TSC22D3: variants seen among roughly 807,000 people sequenced by gnomAD.
TSC22D3 encodes the protein TSC22 domain family member 3.
TSC22D3 carries 4 observed loss-of-function variants against 11.1 expected under a neutral mutation model. The ratio of observed to expected loss-of-function variants is 0.36; its 90% CI spans 0.18 to 0.83. The LOEUF (loss-of-function observed/expected upper bound fraction) is 0.83. TSC22D3 is among the 40% of genes least tolerant of loss of function. The probability of loss-of-function intolerance (pLI) is 0.48; values close to 1 mark genes in which losing one functional copy is unlikely to be tolerated. For missense variants in TSC22D3, 118 were observed against 159.4 expected (o/e 0.74, Z 1.40); for synonymous variants, 77 against 70.3 (o/e 1.10, Z -0.48).
chrX:107,734,955 G>T (rs1446921588), intron 1 of TSC22D3, among the ~76,000 whole-genome samples: 5 of 98,770 alleles, frequency 5.1e-5, no homozygotes, highest in Non-Finnish European at 9.8e-5. Context: ...GTTGTAACCA[G>T]CCCAAGGTCA....
chrX:107,715,833 C>T (rs34648079), intron 2 of TSC22D3, 66 bp downstream of exon 2: 29,532 of 1,175,941 alleles, frequency 0.025, 304 homozygotes, highest in Middle Eastern at 0.037. Context: ...TTCCCTCAAT[C>T]CTGCCCAGAG....
chrX:107,718,287 A>AG (rs1927160531), intron 1 of TSC22D3, among the ~76,000 whole-genome samples: 1 of 112,519 alleles, frequency 8.9e-6, no homozygotes, highest in African/African-American at 3.2e-5. Context: ...AAGGAGCAAG[A>AG]GGGGCAGGGA....
At chrX:107,732,550 C>T (rs915294632) in intron 1 of TSC22D3, among the ~76,000 whole-genome samples, 1 of 111,700 alleles carries the variant, frequency 9.0e-6, no homozygotes, top group Non-Finnish European at 1.9e-5. Context: ...CTACTCTTTC[C>T]TTCAGCAGCA....
chrX:107,768,042 A>G (rs1046409631), intron 1 of TSC22D3, among the ~76,000 whole-genome samples: 2 of 112,358 alleles, frequency 1.8e-5, no homozygotes, highest in Non-Finnish European at 3.8e-5. Flanking sequence ...ATACCAACCA[A>G]TTTGTTATAT....
At chrX:107,769,799 C>A (rs1049547212) in intron 1 of TSC22D3, among the ~76,000 whole-genome samples, 7 of 110,991 alleles carry the variant, frequency 6.3e-5, no homozygotes, top group African/African-American at 2.3e-4. Flanking sequence ...AGGACCGGCC[C>A]CCACCTACTA....
At chrX:107,753,442 G>T (rs1029010678) in intron 1 of TSC22D3, among the ~76,000 whole-genome samples, 2 of 111,355 alleles carry the variant, frequency 1.8e-5, no homozygotes, top group African/African-American at 6.5e-5. Flanking sequence ...TCCTGTTTCA[G>T]ATGTGATTTT....
intron 1 of TSC22D3, among the ~76,000 whole-genome samples, chrX:107,756,820 T>C (rs1302409555): frequency 8.0e-5 from 9 of 112,731 alleles, no homozygotes; most frequent in Admixed American, 2.8e-4. Context: ...TGGAGTGGAC[T>C]TCCTCTGCTT....
intron 1 of TSC22D3, among the ~76,000 whole-genome samples, chrX:107,719,820 T>C (rs1399752424): frequency 9.0e-6 from 1 of 111,571 alleles, no homozygotes; most frequent in East Asian, 2.8e-4. Context: ...AGCCTTGGCT[T>C]TTCTGACACG....
At chrX:107,757,315 G>T (rs1332724586) in intron 1 of TSC22D3, among the ~76,000 whole-genome samples, 1 of 111,665 alleles carries the variant, frequency 9.0e-6, no homozygotes, top group Non-Finnish European at 1.9e-5. Context: ...TAATGTGGGA[G>T]GTCACAGGGT....
chrX:107,728,545 G>T (rs1927748655), intron 1 of TSC22D3, among the ~76,000 whole-genome samples: 1 of 112,226 alleles, frequency 8.9e-6, no homozygotes, highest in Admixed American at 9.4e-5. Context: ...GGGTGATAAA[G>T]CCCAGGAGCA....
chrX:107,725,385 G>A lies in TSC22D3; in HGVS notation c.321-9435C>T, dbSNP rs187812188. Among the ~76,000 whole-genome samples the A allele has an allele frequency of 2.1e-3, 240 of 112,060 alleles. 1 individual carries two copies. Among genetic ancestry groups the A allele is most frequent in the Middle Eastern group, 0.018 (4 of 217 alleles). ...CTGGGCTGCAGCCCTAGCATGTCTA[G>A]TGGAATAGGCGTGGGGCGGGAGAAG... On this transcript the variant is annotated intron_variant, in intron 1 of 2. Transcript: ENST00000372383.
chrX:107,748,477 A>T (rs1252287454), intron 1 of TSC22D3, among the ~76,000 whole-genome samples: 3 of 111,827 alleles, frequency 2.7e-5, no homozygotes, highest in African/African-American at 9.8e-5. Flanking sequence ...TCCTTGGGTC[A>T]GCCCTTCCCA....
At chrX:107,757,297 C>T (rs1316682179) in intron 1 of TSC22D3, among the ~76,000 whole-genome samples, 2 of 111,623 alleles carry the variant, frequency 1.8e-5, no homozygotes, top group African/African-American at 3.3e-5. Flanking sequence ...CTACCCCACT[C>T]CCCGGTCTAA....
intron 1 of TSC22D3, among the ~76,000 whole-genome samples, chrX:107,742,175 G>A (rs963608206): frequency 9.1e-6 from 1 of 109,729 alleles, no homozygotes; most frequent in Non-Finnish European, 1.9e-5. Context: ...TGCCTTCACA[G>A]AAAGTCAGTG....
chrX:107,738,405 G>A (rs1423740602), intron 1 of TSC22D3, among the ~76,000 whole-genome samples: 1 of 112,734 alleles, frequency 8.9e-6, no homozygotes, highest in Non-Finnish European at 1.9e-5. Flanking sequence ...TGCCCTCTGG[G>A]TGATCTTGCT....
chrX:107,742,260 TGAGAGAGAGAGAGAGAGAGAAAGA>T (rs1338090733), intron 1 of TSC22D3, among the ~76,000 whole-genome samples: 1 of 78,004 alleles, frequency 1.3e-5, no homozygotes, highest in Non-Finnish European at 2.3e-5. Context: ...CACATGTATT[TGAGAGAGAGAGAGAGAGAGAAAGA>T]GAGAGAGAGA....
intron 1 of TSC22D3, among the ~76,000 whole-genome samples, chrX:107,738,316 C>T (rs1212998684): frequency 1.8e-5 from 2 of 112,851 alleles, no homozygotes; most frequent in Admixed American, 1.9e-4. Context: ...CCATCCCTAC[C>T]TCTTGAATGC....
At chrX:107,771,139 T>C (rs1929888815) in intron 1 of TSC22D3, among the ~76,000 whole-genome samples, 1 of 112,707 alleles carries the variant, frequency 8.9e-6, no homozygotes, top group Admixed American at 9.4e-5. Flanking sequence ...TTACAAGAAT[T>C]TCTTTAGCAT....
intron 1 of TSC22D3, among the ~76,000 whole-genome samples, chrX:107,727,500 A>ATT (rs1173611482): frequency 9.5e-6 from 1 of 104,933 alleles, no homozygotes. Flanking sequence ...CATTTTATTT[A>ATT]TTTTTTTTTT....
Sources: allele counts gnomAD v4.1 joint callset (sites outside exome capture counted in the v4.1 genomes callset), GRCh38; gene constraint gnomAD v4.1.1; transcripts MANE v1.5; gene names NCBI Gene and HGNC (gene_info 2026-07-23, HGNC 2026-07-21).